Variants in RAB23 observed in about 807,000 individuals in gnomAD.
RAB23 encodes RAB23, member RAS oncogene family.
Under a neutral mutation model 30.0 loss-of-function variants are expected in RAB23, and 15 were observed. The observed-to-expected ratio is 0.50, with a 90% CI of 0.33 to 0.77. The LOEUF is 0.77. Ranked by LOEUF, RAB23 falls within the 30% of genes least tolerant of loss-of-function variation. RAB23 has a pLI of 0.02. For synonymous variants in RAB23, 93 were observed against 94.0 expected (o/e 0.99, Z 0.06); for missense variants, 243 against 275.4 (o/e 0.88, Z 0.83).
At position 57,193,865 on chromosome 6, in the gene RAB23, G is replaced by T. The variant is rs140295281; in HGVS notation, c.551C>A (p.Thr184Lys). 17 of 1,612,642 alleles carry T rather than the reference G, an allele frequency of 1.1e-5. No individual in the cohort carries two copies. The highest frequency in any genetic ancestry group is 1.3e-5 in the African/African-American group (1 of 74,842). The change falls in exon 6 of 7, where the codon ACG becomes AAG. Residue 184 changes from threonine to lysine, a missense_variant. Thr to Lys is a moderately conservative substitution (Grantham distance 78). Transcript: ENST00000468148. ...KQQIAEDPEL[T>K]HSSSNKIGVF... is the part of the protein sequence containing the mutation. ...ACCAATCTTGTTACTACTTGAATGC[G>T]TTAGTTCTGGATCCTCAGCTATTTG... is the stretch of plus-strand genomic sequence containing the variant.
chr6:57,197,306 T>G (rs918003506), intron 3 of RAB23, among the ~76,000 whole-genome samples: 2 of 152,198 alleles, frequency 1.3e-5, no homozygotes, highest in African/African-American at 4.8e-5. Flanking sequence ...TTGTATCCAT[T>G]GACAATATTT....
chr6:57,221,114 G>A (rs988364807), intron 1 of RAB23, among the ~76,000 whole-genome samples: 1 of 152,126 alleles, frequency 6.6e-6, no homozygotes, highest in Non-Finnish European at 1.5e-5. Context: ...CAAAGGGTGA[G>A]TTAACTCACT....
chr6:57,191,595 G>T (rs1301995167), intron 6 of RAB23, among the ~76,000 whole-genome samples: 1 of 151,084 alleles, frequency 6.6e-6, no homozygotes, highest in Non-Finnish European at 1.5e-5. Flanking sequence ...GACTACAGCC[G>T]CCTGCCGCCA....
intron 1 of RAB23, among the ~76,000 whole-genome samples, chr6:57,217,629 G>A (rs538661544): frequency 9.9e-5 from 15 of 152,164 alleles, no homozygotes; most frequent in South Asian, 8.3e-4. Flanking sequence ...AATTTAGAGC[G>A]CTAAATGCTT....
chr6:57,193,397 C>CTGCCAG (rs1764912174), intron 6 of RAB23, among the ~76,000 whole-genome samples: 2 of 152,170 alleles, frequency 1.3e-5, no homozygotes, highest in Non-Finnish European at 2.9e-5. Flanking sequence ...AGAAGAGAGA[C>CTGCCAG]ATCTGGTCAG....
chr6:57,217,416 ATCCTGCC>A (rs895715531), intron 1 of RAB23, among the ~76,000 whole-genome samples: 9 of 152,074 alleles, frequency 5.9e-5, no homozygotes, highest in Non-Finnish European at 1.2e-4. Context: ...TGTTCAAACA[ATCCTGCC>A]TCAGCCTCCC....
At chr6:57,205,186 A>G (rs1765413415) in intron 3 of RAB23, among the ~76,000 whole-genome samples, 1 of 151,482 alleles carries the variant, frequency 6.6e-6, no homozygotes, top group Non-Finnish European at 1.5e-5. Flanking sequence ...TTACATATAT[A>G]CATATTACAT....
At position 57,188,925 on chromosome 6, in the gene RAB23, A is replaced by G. The variant is rs931746824; in HGVS notation, c.*1536T>C. 2.6e-5 allele frequency: 4 copies of G among 152,184 alleles called. No individual in the cohort carries two copies. 9.4% of individuals were successfully genotyped at this position (152,184 alleles called of 1,614,324 possible). ...GGGAGTACAGATGGAAAAACAAAAG[A>G]TAAAACACAAAAGGAGTACATAAAA... is the stretch of plus-strand genomic sequence containing the variant. On this transcript the variant is annotated 3_prime_UTR_variant, in exon 7 of 7. Transcript: ENST00000468148.
chr6:57,192,292 T>C (rs16888379), intron 6 of RAB23, among the ~76,000 whole-genome samples: 1,874 of 152,322 alleles, frequency 0.012, 46 homozygotes, highest in African/African-American at 0.043. Flanking sequence ...ATTCACAAAA[T>C]GTAATCTCCA....
intron 1 of RAB23, among the ~76,000 whole-genome samples, chr6:57,210,775 G>A (rs1363996175): frequency 1.3e-5 from 2 of 152,198 alleles, no homozygotes; most frequent in East Asian, 1.9e-4. Flanking sequence ...TAGTGAACAC[G>A]TTGCTTAACT....
At chr6:57,199,146 G>A (rs1765139357) in intron 3 of RAB23, among the ~76,000 whole-genome samples, 1 of 152,360 alleles carries the variant, frequency 6.6e-6, no homozygotes, top group Non-Finnish European at 1.5e-5. Context: ...CAGCTGTGGA[G>A]AACAGTTCCT....
At chr6:57,203,007 T>TG (rs201046884) in intron 3 of RAB23, among the ~76,000 whole-genome samples, 1,856 of 139,334 alleles carry the variant, frequency 0.013, 46 homozygotes, top group African/African-American at 0.045. Flanking sequence ...GCTGTTTTTT[T>TG]TTTTTTTTTT....
intron 3 of RAB23, among the ~76,000 whole-genome samples, chr6:57,206,738 C>T (rs1765468585): frequency 6.6e-6 from 1 of 152,168 alleles, no homozygotes; most frequent in Non-Finnish European, 1.5e-5. Flanking sequence ...TAAAAAGCCT[C>T]CCTTAGAGAA....
At chr6:57,219,389 C>G (rs1200888529) in intron 1 of RAB23, among the ~76,000 whole-genome samples, 3 of 152,154 alleles carry the variant, frequency 2.0e-5, no homozygotes, top group Non-Finnish European at 2.9e-5. Flanking sequence ...ACAAAGTAAA[C>G]AGCAATTCTC....
intron 1 of RAB23, chr6:57,221,222 A>T (rs1427964984): frequency 6.6e-6 from 1 of 152,226 alleles, no homozygotes; most frequent in Non-Finnish European, 1.5e-5. Context: ...CAATGAAATT[A>T]CCTAGATGTT....
intron 1 of RAB23, among the ~76,000 whole-genome samples, chr6:57,212,393 C>T (rs1231684678): frequency 2.0e-5 from 3 of 152,066 alleles, no homozygotes; most frequent in Non-Finnish European, 4.4e-5. Flanking sequence ...ACTAGCATTG[C>T]AGCCTCTTTA....
chr6:57,211,991 T>G (rs1197799244), intron 1 of RAB23, among the ~76,000 whole-genome samples: 1 of 152,224 alleles, frequency 6.6e-6, no homozygotes, highest in African/African-American at 2.4e-5. Flanking sequence ...ACCTGAGTGA[T>G]CATAAGAATC....
At chr6:57,190,882 A>T (rs1764814739) in intron 6 of RAB23, among the ~76,000 whole-genome samples, 1 of 151,774 alleles carries the variant, frequency 6.6e-6, no homozygotes, top group African/African-American at 2.4e-5. Flanking sequence ...CTAACTCCCC[A>T]TTCCCCCTCC....
chr6:57,211,460 TA>T (rs1442041307), intron 1 of RAB23, among the ~76,000 whole-genome samples: 1 of 151,598 alleles, frequency 6.6e-6, no homozygotes, highest in Non-Finnish European at 1.5e-5. Flanking sequence ...ATGCTGTCTC[TA>T]AAAAAAATTA....
Sources: allele counts gnomAD v4.1 joint callset (sites outside exome capture counted in the v4.1 genomes callset), GRCh38; gene constraint gnomAD v4.1.1; transcripts MANE v1.5; gene names NCBI Gene and HGNC (gene_info 2026-07-23, HGNC 2026-07-21).